The following MAN1A2 variants were observed in gnomAD, a reference collection of about 807,000 sequenced individuals.
MAN1A2 encodes the protein mannosidase alpha class 1A member 2, also known as mannosyl-oligosaccharide 1,2-alpha-mannosidase IB.
A neutral mutation model predicts 75.7 loss-of-function variants in MAN1A2; 26 were observed. The ratio of observed to expected loss-of-function variants is 0.34; its 90% CI spans 0.25 to 0.48. The LOEUF (loss-of-function observed/expected upper bound fraction) is 0.48. Ranked by LOEUF, MAN1A2 falls within the 20% of genes least tolerant of loss-of-function variation. The pLI is 0.99. For synonymous variants in MAN1A2, 247 were observed against 264.6 expected (o/e 0.93, Z 0.65); for missense variants, 562 against 775.5 (o/e 0.72, Z 3.27).
intron 1 of MAN1A2, among the ~76,000 whole-genome samples, chr1:117,382,381 G>A (rs1192745387): frequency 6.6e-6 from 1 of 152,180 alleles, no homozygotes; most frequent in Admixed American, 6.5e-5. Flanking sequence ...AAGGGATCCA[G>A]TTTCAGCTTT....
intron 3 of MAN1A2, among the ~76,000 whole-genome samples, chr1:117,413,644 T>A (rs962049099): frequency 6.6e-6 from 1 of 151,850 alleles, no homozygotes; most frequent in Non-Finnish European, 1.5e-5. Context: ...GTTCCTGGAA[T>A]GAACAATAAA....
intron 6 of MAN1A2, among the ~76,000 whole-genome samples, chr1:117,447,394 C>A (rs1649270089): frequency 6.6e-6 from 1 of 151,828 alleles, no homozygotes; most frequent in African/African-American, 2.4e-5. Context: ...TTAATATTAT[C>A]AAAAAATATT....
chr1:117,421,824 A>C (rs1648210343), intron 5 of MAN1A2, among the ~76,000 whole-genome samples: 2 of 152,124 alleles, frequency 1.3e-5, no homozygotes, highest in Admixed American at 1.3e-4. Flanking sequence ...CCAAGAGGTT[A>C]TCAAACTTTA....
At chr1:117,439,712 C>T (rs1240567178) in intron 5 of MAN1A2, among the ~76,000 whole-genome samples, 1 of 152,142 alleles carries the variant, frequency 6.6e-6, no homozygotes, top group Non-Finnish European at 1.5e-5. Flanking sequence ...CCAGGCCAGC[C>T]TCAAACCTCT....
In MAN1A2 at chr1:117,368,065, T is replaced by G; in HGVS notation, c.-119T>G. On this transcript the variant is annotated 5_prime_UTR_variant, in exon 1 of 13. Transcript: ENST00000356554. ...CCCTCTTAAAAAGCACAACAGTCCT[T>G]TAAGAGGAGCAAAATTGAGTTTTCC... 1 of 992,014 alleles carries G rather than the reference T, an allele frequency of 1.0e-6. No individual in the cohort carries two copies. Among genetic ancestry groups the G allele is most frequent in the Non-Finnish European group, 1.5e-6 (1 of 672,790 alleles). 61.5% of individuals were successfully genotyped at this position (992,014 alleles called of 1,614,324 possible). A position where few individuals can be genotyped will look rare whatever the true frequency, so the allele number is the denominator to read the frequency against.
intron 4 of MAN1A2, among the ~76,000 whole-genome samples, chr1:117,418,671 T>C (rs1447638240): frequency 6.6e-6 from 1 of 152,148 alleles, no homozygotes; most frequent in Non-Finnish European, 1.5e-5. Flanking sequence ...GTTTCATCAA[T>C]CTGAAGACTT....
chr1:117,511,558 A>G (rs61805828), intron 12 of MAN1A2, among the ~76,000 whole-genome samples: 40,384 of 151,578 alleles, frequency 0.27, 5,912 homozygotes, highest in East Asian at 0.47. Flanking sequence ...AACTACTATG[A>G]TCTCCCCAGC....
At chr1:117,507,718 A>T (rs1651416369) in intron 12 of MAN1A2, among the ~76,000 whole-genome samples, 1 of 151,674 alleles carries the variant, frequency 6.6e-6, no homozygotes. Flanking sequence ...AAGAAAAGCC[A>T]TGAATAGCTT....
chr1:117,512,497 G>C (rs894750365), intron 12 of MAN1A2, among the ~76,000 whole-genome samples: 3 of 152,002 alleles, frequency 2.0e-5, no homozygotes, highest in Non-Finnish European at 2.9e-5. Flanking sequence ...TGGTCTGGGG[G>C]AATCACACTT....
At chr1:117,417,391 A>G (rs1648028659) in intron 4 of MAN1A2, among the ~76,000 whole-genome samples, 1 of 151,046 alleles carries the variant, frequency 6.6e-6, no homozygotes, top group Non-Finnish European at 1.5e-5. Context: ...TTGTTTTGCT[A>G]CCTATATTAT....
intron 6 of MAN1A2, among the ~76,000 whole-genome samples, chr1:117,458,690 G>A (rs1649711876): frequency 6.6e-6 from 1 of 151,258 alleles, no homozygotes; most frequent in African/African-American, 2.4e-5. Flanking sequence ...GTCCGGCTAA[G>A]TTTTTGTATT....
intron 6 of MAN1A2, among the ~76,000 whole-genome samples, chr1:117,452,554 A>AAACCAGCTACAACATTCTT (rs1649456027): frequency 6.6e-6 from 1 of 152,230 alleles, no homozygotes; most frequent in Admixed American, 6.5e-5. Flanking sequence ...ATAGAAGATG[A>AAACCAGCTACAACATTCTT]AACCAGCTAC....
At chr1:117,480,830 A>G (rs1650475858) in intron 8 of MAN1A2, among the ~76,000 whole-genome samples, 1 of 151,882 alleles carries the variant, frequency 6.6e-6, no homozygotes, top group Non-Finnish European at 1.5e-5. Context: ...CTTGAGGTTC[A>G]AAGAGTTAAT....
At chr1:117,505,492 G>GAT (rs1267478580) in intron 12 of MAN1A2, among the ~76,000 whole-genome samples, 5 of 150,536 alleles carry the variant, frequency 3.3e-5, no homozygotes, top group African/African-American at 4.9e-5. Flanking sequence ...TATATATATA[G>GAT]ATAGATATAT....
At chr1:117,444,565 C>A (rs1033510159) in intron 6 of MAN1A2, among the ~76,000 whole-genome samples, 3 of 151,922 alleles carry the variant, frequency 2.0e-5, no homozygotes, top group Non-Finnish European at 2.9e-5. Flanking sequence ...GGTATAAATT[C>A]TTTTTAATTT....
intron 11 of MAN1A2, among the ~76,000 whole-genome samples, chr1:117,501,154 G>C (rs779466014): frequency 2.0e-5 from 3 of 151,758 alleles, no homozygotes; most frequent in Middle Eastern, 3.4e-3. Context: ...GGTGTGACAG[G>C]GTCAAACTTT....
intron 12 of MAN1A2, among the ~76,000 whole-genome samples, chr1:117,505,001 A>G (rs1319065462): frequency 6.6e-5 from 10 of 151,544 alleles, no homozygotes; most frequent in Admixed American, 3.3e-4. Context: ...CATGTAAACA[A>G]TCTTTTTTCT....
At chr1:117,414,633 G>A (rs1647929310) in intron 3 of MAN1A2, 80 bp from the exon 4 acceptor site, 1 of 714,966 alleles carries the variant, frequency 1.4e-6, no homozygotes, top group Non-Finnish European at 2.5e-6. Flanking sequence ...GAATGTGAAG[G>A]GAATCTTTTT....
intron 7 of MAN1A2, among the ~76,000 whole-genome samples, chr1:117,465,540 AG>A (rs1649955572): frequency 6.6e-6 from 1 of 152,154 alleles, no homozygotes; most frequent in African/African-American, 2.4e-5. Context: ...GGTCCAGAAA[AG>A]TGAAGTATAT....
Sources: allele counts gnomAD v4.1 joint callset (sites outside exome capture counted in the v4.1 genomes callset), GRCh38; gene constraint gnomAD v4.1.1; transcripts MANE v1.5; gene names NCBI Gene and HGNC (gene_info 2026-07-23, HGNC 2026-07-21).